Variants in SLC9A9 observed in about 807,000 individuals in gnomAD.
SLC9A9 encodes the protein solute carrier family 9 member A9.
A neutral mutation model predicts 77.8 loss-of-function variants in SLC9A9; 62 were observed. The observed-to-expected ratio is 0.80, with a 90% CI of 0.65 to 0.98. The LOEUF is 0.98. SLC9A9 is among the 50% of genes least tolerant of loss of function. SLC9A9 has a pLI of 0.00. For missense variants in SLC9A9, 775 were observed against 774.9 expected (o/e 1.00, Z 0.00); for synonymous variants, 320 against 283.5 (o/e 1.13, Z -1.29).
intron 4 of SLC9A9, among the ~76,000 whole-genome samples, chr3:143,743,148 T>C (rs931731058): frequency 6.6e-6 from 1 of 151,530 alleles, no homozygotes; most frequent in East Asian, 1.9e-4. Flanking sequence ...TCAGTATTAG[T>C]CGGGGTTTTC....
At chr3:143,692,965 C>T (rs1351113124) in intron 5 of SLC9A9, among the ~76,000 whole-genome samples, 1 of 152,176 alleles carries the variant, frequency 6.6e-6, no homozygotes, top group Non-Finnish European at 1.5e-5. Context: ...ATTGTAATGA[C>T]TTTAAAGATC....
intron 7 of SLC9A9, among the ~76,000 whole-genome samples, chr3:143,577,660 G>T (rs551466570): frequency 2.0e-5 from 3 of 152,128 alleles, no homozygotes; most frequent in Non-Finnish European, 4.4e-5. Context: ...ACTCTTCTTA[G>T]ATACCCCCAG....
intron 14 of SLC9A9, among the ~76,000 whole-genome samples, chr3:143,355,026 A>G (rs1185373148): frequency 1.3e-5 from 2 of 152,320 alleles, no homozygotes; most frequent in South Asian, 2.1e-4. Flanking sequence ...AAAATAACTG[A>G]GATGATGGAC....
chr3:143,577,131 G>C, intron 7 of SLC9A9, among the ~76,000 whole-genome samples: 1 of 152,142 alleles, frequency 6.6e-6, no homozygotes, highest in Non-Finnish European at 1.5e-5. Flanking sequence ...AGGACTGTCA[G>C]TGTGTCACTC....
chr3:143,750,796 T>C (rs926070453), intron 4 of SLC9A9, among the ~76,000 whole-genome samples: 4 of 150,358 alleles, frequency 2.7e-5, no homozygotes, highest in Non-Finnish European at 5.9e-5. Flanking sequence ...TATTTGTCTC[T>C]TCTTTTAAAA....
intron 9 of SLC9A9, among the ~76,000 whole-genome samples, chr3:143,534,613 T>C (rs1242617340): frequency 6.6e-6 from 1 of 152,082 alleles, no homozygotes; most frequent in Non-Finnish European, 1.5e-5. Flanking sequence ...AGGTTTGGGT[T>C]TACTCCCAGG....
intron 14 of SLC9A9, among the ~76,000 whole-genome samples, chr3:143,270,623 G>A (rs761921469): frequency 1.3e-5 from 2 of 152,118 alleles, no homozygotes; most frequent in Non-Finnish European, 2.9e-5. Context: ...TTATTTCCAG[G>A]TGGAAGGATG....
chr3:143,440,174 TG>T (rs1382816898), intron 12 of SLC9A9, among the ~76,000 whole-genome samples: 1 of 152,220 alleles, frequency 6.6e-6, no homozygotes, highest in East Asian at 1.9e-4. Context: ...GACTTTTGTT[TG>T]CCCCTCTCTT....
chr3:143,367,585 A>G (rs1358298837), intron 13 of SLC9A9, among the ~76,000 whole-genome samples: 10 of 152,214 alleles, frequency 6.6e-5, no homozygotes, highest in Admixed American at 5.9e-4. Context: ...GGTTGAAGAT[A>G]AATGTGCTAA....
At chr3:143,835,831 G>A (rs1249955163) in intron 1 of SLC9A9, among the ~76,000 whole-genome samples, 2 of 151,084 alleles carry the variant, frequency 1.3e-5, no homozygotes, top group African/African-American at 2.5e-5. Context: ...CCCCTGCAAA[G>A]GGATACCCAC....
At chr3:143,578,896 T>C (rs1327390526) in intron 6 of SLC9A9, among the ~76,000 whole-genome samples, 173 bp from the exon 7 acceptor site, 1 of 152,190 alleles carries the variant, frequency 6.6e-6, no homozygotes, top group African/African-American at 2.4e-5. Context: ...GAAATCTTTC[T>C]GCTTCCTTAT....
chr3:143,750,181 G>A (rs538609203), intron 4 of SLC9A9, among the ~76,000 whole-genome samples: 15 of 152,212 alleles, frequency 9.9e-5, no homozygotes, highest in Non-Finnish European at 2.1e-4. Flanking sequence ...TCCCGTGGAA[G>A]AGGAAGACAA....
At chr3:143,757,325 C>T (rs552220016) in intron 4 of SLC9A9, among the ~76,000 whole-genome samples, 1 of 152,142 alleles carries the variant, frequency 6.6e-6, no homozygotes, top group East Asian at 1.9e-4. Flanking sequence ...GGGAGCTAGG[C>T]ATTATGGAGA....
chr3:143,638,696 A>G (rs1047306858), intron 6 of SLC9A9, among the ~76,000 whole-genome samples: 4 of 152,224 alleles, frequency 2.6e-5, no homozygotes, highest in African/African-American at 9.6e-5. Flanking sequence ...CAGTTCATTT[A>G]TCTTCCAATA....
chr3:143,583,808 T>C (rs2037494969), intron 6 of SLC9A9, among the ~76,000 whole-genome samples: 1 of 152,194 alleles, frequency 6.6e-6, no homozygotes, highest in African/African-American at 2.4e-5. Flanking sequence ...AAACAAATGT[T>C]CAATCAAAAC....
chr3:143,729,822 C>G (rs990516720), intron 4 of SLC9A9, among the ~76,000 whole-genome samples: 9 of 152,184 alleles, frequency 5.9e-5, no homozygotes, highest in Admixed American at 3.3e-4. Flanking sequence ...GCAACCTTTA[C>G]TGTTACTCGT....
chr3:143,734,752 AG>A (rs1934897563), intron 4 of SLC9A9, among the ~76,000 whole-genome samples: 1 of 150,088 alleles, frequency 6.7e-6, no homozygotes, highest in Non-Finnish European at 1.5e-5. Context: ...AAAAAAAAAA[AG>A]ATACGTAGAC....
intron 12 of SLC9A9, among the ~76,000 whole-genome samples, chr3:143,419,741 G>A (rs563202417): frequency 9.9e-5 from 15 of 152,254 alleles, no homozygotes; most frequent in African/African-American, 3.6e-4. Flanking sequence ...TTACAACAAA[G>A]GATGCAGATA....
chr3:143,608,881 G>A (rs184584014), intron 6 of SLC9A9, among the ~76,000 whole-genome samples: 154 of 152,224 alleles, frequency 1.0e-3, no homozygotes, highest in African/African-American at 3.6e-3. Flanking sequence ...GAGTTCTAAA[G>A]TAATATCAAT....
Sources: allele counts gnomAD v4.1 joint callset (sites outside exome capture counted in the v4.1 genomes callset), GRCh38; gene constraint gnomAD v4.1.1; transcripts MANE v1.5; gene names NCBI Gene and HGNC (gene_info 2026-07-23, HGNC 2026-07-21).